Variants in NCAPD2 observed in about 807,000 individuals in gnomAD.
The protein encoded by NCAPD2 is non-SMC condensin I complex subunit D2.
In NCAPD2, 100 loss-of-function variants were observed where a neutral mutation model predicts 164.5. The ratio of observed to expected loss-of-function variants is 0.61; its 90% CI spans 0.52 to 0.72. The LOEUF (loss-of-function observed/expected upper bound fraction) is 0.72, where lower values mean the gene tolerates loss of function less well. Ranked by LOEUF, NCAPD2 falls within the 30% of genes least tolerant of loss-of-function variation. The pLI is 0.00. For synonymous variants in NCAPD2, 585 were observed against 642.6 expected (o/e 0.91, Z 1.36); for missense variants, 1,560 against 1,749.2 (o/e 0.89, Z 1.93).
Position 6,528,120 on chromosome 12 carries a change from C to T in NCAPD2, c.3143+29C>T. 1.2e-6 allele frequency: 2 copies of T among 1,614,214 alleles called. No individual in the cohort carries two copies. Among genetic ancestry groups the T allele is most frequent in the Admixed American group, 3.3e-5 (2 of 60,024 alleles). On this transcript the variant is annotated intron_variant, in intron 24 of 31. Transcript: ENST00000315579. The surrounding 1 kb of genome is among the most constrained non-coding windows in gnomAD (Gnocchi z 5.1). ...GGCCGTGGGGTTGGTACCCCCTTCT[C>T]AAGGAAGATGGGGATGAAATGGCTT...
chr12:6,503,450 C>A (rs1191042068), intron 2 of NCAPD2, among the ~76,000 whole-genome samples: 2 of 152,118 alleles, frequency 1.3e-5, no homozygotes, highest in African/African-American at 4.8e-5. Flanking sequence ...AACCCACTCC[C>A]CAGAGCCCTT....
chr12:6,512,536 G>T (rs768000118), intron 6 of NCAPD2, among the ~76,000 whole-genome samples: 18 of 152,230 alleles, frequency 1.2e-4, no homozygotes, highest in Non-Finnish European at 2.2e-4. Flanking sequence ...GAGCAGGTAC[G>T]AGGGTTAGGC....
At chr12:6,512,637 C>G (rs1214329077) in intron 6 of NCAPD2, among the ~76,000 whole-genome samples, 2 of 152,152 alleles carry the variant, frequency 1.3e-5, no homozygotes, top group Admixed American at 1.3e-4. Context: ...GAAGTGGAGC[C>G]ACTGGGGAGC....
rs753507430 is a variant in NCAPD2 at position 6,529,839 on chromosome 12, C to T, written c.3718C>T (p.Leu1240Phe). ...ACAGCTGCCCCTCACAGAGCGAGGC[C>T]TCCGTAAGATGCTTGACAATTTTGA... Reference protein sequence around the residue: ...VSQLPLTERGLRKMLDNFDCF... With the variant: ...VSQLPLTERGFRKMLDNFDCF... Residue 1240 changes from leucine (L) to phenylalanine (F), a missense_variant, in exon 29 of 32, where the codon CTC (leucine) becomes TTC (phenylalanine). Coordinates refer to ENST00000315579, the MANE Select transcript of NCAPD2 (RefSeq NM_014865.4). 2 of 1,614,260 alleles carry T rather than the reference C, an allele frequency of 1.2e-6. No homozygotes were observed. The highest frequency in any genetic ancestry group is 1.7e-6 in the Non-Finnish European group (2 of 1,180,046).
rs1946206147 is a variant in NCAPD2 at position 6,516,862 on chromosome 12, T to C, written c.1022T>C (p.Met341Thr). ...YMMRNAVLAA[M>T]AEMVLQVLSG... is the part of the protein sequence containing the mutation. ...ATGCGTAATGCTGTGCTGGCAGCCA[T>C]GGCGGAGATGGTGCTGCAGGTTCTC... is the stretch of plus-strand genomic sequence containing the variant. The change falls in exon 10 of 32, where the codon ATG becomes ACG. Residue 341 changes from methionine to threonine, a missense_variant. By Grantham distance (81) the Met-to-Thr change is moderately conservative. Transcript: ENST00000315579. 6.2e-7 allele frequency: 1 copy of C among 1,614,188 alleles called. No homozygotes were observed.
At chr12:6,495,000 A>G (rs111278311) in intron 1 of NCAPD2, 76 bp from the exon 2 acceptor site, 1 of 1,448,038 alleles carries the variant, frequency 6.9e-7, no homozygotes, top group Non-Finnish European at 9.5e-7. Flanking sequence ...TATGTTGGGG[A>G]TGGGAAAGTA....
Position 6,528,861 on chromosome 12 carries a change from G to GA in NCAPD2, c.3477+6dup, listed in dbSNP as rs757290699. ...TTCAATGAGCTCTCCCACAAGGTGAGAGGCAGAGAGGCACTGAGGGCTGGC... is the reference window on the plus strand; with the variant it reads ...TTCAATGAGCTCTCCCACAAGGTGAGAAGGCAGAGAGGCACTGAGGGCTGGC... On this transcript the variant is annotated splice_donor_region_variant and intron_variant, in intron 26 of 31. Coordinates refer to ENST00000315579, the MANE Select transcript of NCAPD2 (RefSeq NM_014865.4). This position sits in a 1 kb window ranked among gnomAD's most constrained non-coding sequence, Gnocchi z 5.1. 6.2e-7 allele frequency: 1 copy of GA among 1,612,962 alleles called. No homozygotes were observed. Among genetic ancestry groups the GA allele is most frequent in the South Asian group, 1.1e-5 (1 of 91,070 alleles).
intron 13 of NCAPD2, among the ~76,000 whole-genome samples, chr12:6,519,272 G>A (rs1946242447): frequency 6.6e-6 from 1 of 151,888 alleles, no homozygotes; most frequent in East Asian, 1.9e-4. Flanking sequence ...TTTTTATTTT[G>A]CTAAAGCAAA....
chr12:6,530,776 C>A lies in NCAPD2; in HGVS notation c.3923C>A (p.Ala1308Glu). Reference protein sequence around the residue: ...DGIKELEIGQAGSQRAPSAKK... With the variant: ...DGIKELEIGQEGSQRAPSAKK... ...ATCAAGGAGCTTGAGATTGGCCAAGCAGGTAGCCAGAGAGCGCCATCAGCC... is the reference window on the plus strand; with the variant it reads ...ATCAAGGAGCTTGAGATTGGCCAAGAAGGTAGCCAGAGAGCGCCATCAGCC... The change falls in exon 30 of 32, where the codon GCA (alanine) becomes GAA (glutamate). Residue 1308 changes from alanine to glutamate, a missense_variant. Ala to Glu is a moderately radical substitution (Grantham distance 107). Transcript: ENST00000315579. 2 of 1,614,218 alleles carry A rather than the reference C, an allele frequency of 1.2e-6. No homozygotes were observed. Among genetic ancestry groups the A allele is most frequent in the Non-Finnish European group, 1.7e-6 (2 of 1,180,034 alleles).
chr12:6,523,397 T>G (rs1946285450), intron 17 of NCAPD2, 51 bp downstream of exon 17: 2 of 1,363,854 alleles, frequency 1.5e-6, no homozygotes, highest in Middle Eastern at 1.9e-4. Flanking sequence ...GTATTTTGGT[T>G]GTTTTTTTTT....
chr12:6,509,861 T>C, intron 3 of NCAPD2, 69 bp downstream of exon 3: 1 of 1,512,540 alleles, frequency 6.6e-7, no homozygotes, highest in Non-Finnish European at 9.1e-7. Context: ...TGCATGTTAG[T>C]CCTGAAATTC....
At chr12:6,513,715 C>CTTTTGTTTTTTTTTTTTTTTTTTTTT (rs1946171887) in intron 6 of NCAPD2, among the ~76,000 whole-genome samples, 2 of 74,894 alleles carry the variant, frequency 2.7e-5, no homozygotes, top group African/African-American at 1.2e-4. Flanking sequence ...GTGACTTTGT[C>CTTTTGTTTTTTTTTTTTTTTTTTTTT]TTTTTTTTTT....
Position 6,517,695 on chromosome 12 carries a change from C to T in NCAPD2, c.1408+12C>T. Reference sequence around the variant, plus strand: ...AACTGCAGCAGCTTGTAAGTAGTTACTGCCTTGGAGTCCTAATGCCAGACA... The same window carrying T: ...AACTGCAGCAGCTTGTAAGTAGTTATTGCCTTGGAGTCCTAATGCCAGACA... On this transcript the variant is annotated intron_variant, in intron 12 of 31. Coordinates refer to ENST00000315579, the MANE Select transcript of NCAPD2 (RefSeq NM_014865.4). 6.2e-7 allele frequency: 1 copy of T among 1,614,214 alleles called. No individual in the cohort carries two copies. Among genetic ancestry groups the T allele is most frequent in the Non-Finnish European group, 8.5e-7 (1 of 1,180,044 alleles).
In NCAPD2 at chr12:6,526,013, C is replaced by G. The variant is rs1031021527; in HGVS notation, c.2349-55C>G. 7 of 1,595,422 alleles carry G rather than the reference C, an allele frequency of 4.4e-6. No individual in the cohort carries two copies. In the African/African-American group the frequency reaches 8.0e-5, roughly 18 times the overall value. On this transcript the variant is annotated intron_variant, in intron 18 of 31. Transcript: ENST00000315579. ...GTACCTACCCCTATTGGCCCTTTCT[C>G]CCCCGATGAGTCCAATCCATGACTG...
chr12:6,525,655 A>G lies in NCAPD2; in HGVS notation c.2287A>G (p.Lys763Glu). ...TQLLWERATE[K>E]VACCPLERCS... ...GCTGCTGTGGGAGCGGGCCACCGAG[A>G]AGGTCGCCTGCTGTCCTCTGGAGCG... The change falls in exon 18 of 32, where the codon AAG becomes GAG. Residue 763 changes from lysine (K) to glutamate (E), a missense_variant. Lys to Glu is a moderately conservative substitution (Grantham distance 56, BLOSUM62 1). Transcript: ENST00000315579. 6.2e-7 allele frequency: 1 copy of G among 1,613,530 alleles called. No individual in the cohort carries two copies. The highest frequency in any genetic ancestry group is 8.5e-7 in the Non-Finnish European group (1 of 1,179,970).
At position 6,520,683 on chromosome 12, in the gene NCAPD2, G is replaced by T. The variant is rs145215832; in HGVS notation, c.1590-303G>T. 1.9e-3 allele frequency among the ~76,000 whole-genome samples: 294 copies of T among 152,274 alleles called. 1 individual carries two copies. The highest frequency in any genetic ancestry group is 6.7e-3 in the African/African-American group (278 of 41,562). ...TAGGAAAGTTTTTAAACAGGTGTTTGGAGTAGGTTTATGATTTTAAAACTT... is the reference window on the plus strand; with the variant it reads ...TAGGAAAGTTTTTAAACAGGTGTTTTGAGTAGGTTTATGATTTTAAAACTT... On this transcript the variant is annotated intron_variant, in intron 13 of 31. Transcript: ENST00000315579.
chr12:6,509,089 T>TA (rs1404790226), intron 2 of NCAPD2, among the ~76,000 whole-genome samples: 2 of 150,944 alleles, frequency 1.3e-5, no homozygotes, highest in African/African-American at 4.9e-5. Context: ...TTTTTTTTTT[T>TA]AAAAGATCCT....
In NCAPD2 at chr12:6,504,182, C is replaced by CATATATAT. The variant is rs1176237960; in HGVS notation, c.128-5507_128-5500dup. Among the ~76,000 whole-genome samples, 105 of 57,684 alleles carry CATATATAT rather than the reference C, an allele frequency of 1.8e-3. 1 individual carries two copies. Among genetic ancestry groups the CATATATAT allele is most frequent in the East Asian group, 9.8e-3 (15 of 1,532 alleles). The allele number at this position is 57,684 out of a possible 152,430, so 37.8% of individuals were successfully genotyped here. On this transcript the variant is annotated intron_variant, in intron 2 of 31. Transcript: ENST00000315579. ...CATTCAGTTTTGACATATATATATA[C>CATATATAT]ATATATATATATATATATATATATA...
At chr12:6,522,355 A>C (rs1297339567) in intron 15 of NCAPD2, among the ~76,000 whole-genome samples, 1 of 151,996 alleles carries the variant, frequency 6.6e-6, no homozygotes, top group African/African-American at 2.4e-5. Context: ...GGGAGGCCAA[A>C]GCAGGAAGAC....
Sources: allele counts gnomAD v4.1 joint callset (sites outside exome capture counted in the v4.1 genomes callset), GRCh38; gene constraint gnomAD v4.1.1; non-coding constraint Gnocchi (gnomAD v3.1); transcripts MANE v1.5; gene names NCBI Gene and HGNC (gene_info 2026-07-23, HGNC 2026-07-21).